CFDP1: variants seen among roughly 807,000 people sequenced by gnomAD.
CFDP1 encodes the protein heterochromatin-stabilizing protein CFDP1.
CFDP1 carries 31 observed loss-of-function variants against 40.1 expected under a neutral mutation model. The observed-to-expected ratio is 0.77, with a 90% CI of 0.58 to 1.04. CFDP1 has a LOEUF of 1.04. Among genes scored for constraint, CFDP1 ranks in the 50% least tolerant of loss-of-function variants. The pLI is 0.00. For synonymous variants in CFDP1, 167 were observed against 120.0 expected, an observed-to-expected ratio of 1.39 and a Z score of -2.56; for missense variants, 423 against 343.4, an observed-to-expected ratio of 1.23 and a Z score of -1.83.
At position 75,349,666 on chromosome 16, in the gene CFDP1, A is replaced by AT. The variant is rs1567653444; in HGVS notation, c.651-44485_651-44484insA. On this transcript the variant is annotated intron_variant, in intron 5 of 6. Transcript: ENST00000283882. ...ACTCCGTCTCAAAAAAAAAAAAAAA[A>AT]AAAAAAAAAAAAAAAAAAAAAAAAA... 2.2e-3 allele frequency among the ~76,000 whole-genome samples: 30 copies of AT among 13,674 alleles called. 1 individual carries two copies. Among genetic ancestry groups the AT allele is most frequent in the South Asian group, 1.8e-3 (1 of 562 alleles). 9.0% of individuals were successfully genotyped at this position (13,674 alleles called of 152,430 possible).
intron 5 of CFDP1, among the ~76,000 whole-genome samples, chr16:75,371,226 C>T (rs2151539873): frequency 6.6e-6 from 1 of 152,350 alleles, no homozygotes; most frequent in Non-Finnish European, 1.5e-5. Flanking sequence ...CCAGTAGCAT[C>T]CCCTGCCTTG....
intron 6 of CFDP1, among the ~76,000 whole-genome samples, chr16:75,297,196 T>G (rs867937410): frequency 5.4e-3 from 370 of 68,310 alleles, no homozygotes; most frequent in African/African-American, 0.01. Flanking sequence ...GTGTGTGTGT[T>G]TTTAGTAGAG....
At chr16:75,415,492 C>A (rs2079195372) in intron 1 of CFDP1, among the ~76,000 whole-genome samples, 1 of 152,200 alleles carries the variant, frequency 6.6e-6, no homozygotes, top group Admixed American at 6.5e-5. Context: ...AGCAGCATCC[C>A]AGAAGGCCCC....
chr16:75,411,316 A>C (rs996819286), intron 4 of CFDP1, among the ~76,000 whole-genome samples: 1 of 152,094 alleles, frequency 6.6e-6, no homozygotes, highest in Non-Finnish European at 1.5e-5. Flanking sequence ...GAAGTAGGAG[A>C]ATTGCTTGAA....
Position 75,344,403 on chromosome 16 carries a change from T to G in CFDP1, c.651-39221A>C, listed in dbSNP as rs73617868. Among the ~76,000 whole-genome samples, 655 of 152,320 alleles carry G rather than the reference T, an allele frequency of 4.3e-3. 1 individual carries two copies. The highest frequency in any genetic ancestry group is 0.015 in the African/African-American group (631 of 41,572). On this transcript the variant is annotated intron_variant, in intron 5 of 6. Coordinates refer to ENST00000283882, the MANE Select transcript of CFDP1 (RefSeq NM_006324.3). The stretch of plus-strand genomic sequence containing the variant: ...AAATCAGGTGTCAAATCACTTTAAT[T>G]GCTTTAGAAAACAAAATCATGGGAC...
chr16:75,404,027 G>T (rs1001928690), intron 4 of CFDP1, among the ~76,000 whole-genome samples: 1 of 151,686 alleles, frequency 6.6e-6, no homozygotes, highest in African/African-American at 2.4e-5. Flanking sequence ...AGCTACTCGG[G>T]AGGCTAAGGC....
intron 5 of CFDP1, among the ~76,000 whole-genome samples, chr16:75,321,209 C>G (rs2078360970): frequency 6.6e-6 from 1 of 152,204 alleles, no homozygotes; most frequent in African/African-American, 2.4e-5. Flanking sequence ...AAGGGATCCT[C>G]CTACCTCGGC....
At chr16:75,427,250 T>C (rs1455936705) in intron 1 of CFDP1, among the ~76,000 whole-genome samples, 1 of 151,778 alleles carries the variant, frequency 6.6e-6, no homozygotes, top group East Asian at 1.9e-4. Flanking sequence ...AATTAGCTAA[T>C]TTTTTTTCTT....
In CFDP1 at chr16:75,323,631, T is replaced by C. The variant is rs144251545; in HGVS notation, c.651-18449A>G. 9.6e-4 allele frequency among the ~76,000 whole-genome samples: 146 copies of C among 152,042 alleles called. 1 individual carries two copies. The highest frequency in any genetic ancestry group is 3.5e-3 in the African/African-American group (144 of 41,474). The stretch of plus-strand genomic sequence containing the variant: ...CCCGATCTCTACTGAAAATACAAAT[T>C]TGCCGGGCCTGGTGGAGCGTGCCTG... On this transcript the variant is annotated intron_variant, in intron 5 of 6. Transcript: ENST00000283882.
At chr16:75,386,459 T>A (rs2078898508) in intron 5 of CFDP1, among the ~76,000 whole-genome samples, 1 of 152,238 alleles carries the variant, frequency 6.6e-6, no homozygotes, top group South Asian at 2.1e-4. Context: ...GCACAGTGGC[T>A]CACGCCTGTA....
intron 5 of CFDP1, among the ~76,000 whole-genome samples, chr16:75,333,888 C>A (rs2078466031): frequency 6.6e-6 from 1 of 152,304 alleles, no homozygotes; most frequent in Middle Eastern, 3.4e-3. Flanking sequence ...GCTCTCTCCA[C>A]AAGCGATTCA....
At chr16:75,323,638 G>A (rs1567645465) in intron 5 of CFDP1, among the ~76,000 whole-genome samples, 1 of 152,016 alleles carries the variant, frequency 6.6e-6, no homozygotes, top group Admixed American at 6.6e-5. Context: ...AATTTGCCGG[G>A]CCTGGTGGAG....
chr16:75,411,814 G>C lies in CFDP1; in HGVS notation c.530+11C>G, dbSNP rs998777876. The C allele has an allele frequency of 1.2e-6, 2 of 1,603,384 alleles. No individual in the cohort carries two copies. Among genetic ancestry groups the C allele is most frequent in the Non-Finnish European group, 1.7e-6 (2 of 1,177,520 alleles). ...AAATGCTAGTTTCAAAGTTTTTGAAGGTTCTCTTACCTTACTTCTTCACCA... is the reference window on the plus strand; with the variant it reads ...AAATGCTAGTTTCAAAGTTTTTGAACGTTCTCTTACCTTACTTCTTCACCA... On this transcript the variant is annotated intron_variant, in intron 4 of 6. Coordinates refer to ENST00000283882, the MANE Select transcript of CFDP1 (RefSeq NM_006324.3).
intron 4 of CFDP1, among the ~76,000 whole-genome samples, chr16:75,401,376 CA>C (rs2079051473): frequency 1.5e-5 from 2 of 135,824 alleles, no homozygotes; most frequent in South Asian, 4.6e-4. Context: ...TGCAGTGAGC[CA>C]AGATTGCACC....
chr16:75,306,972 C>G (rs1216769630), intron 5 of CFDP1, among the ~76,000 whole-genome samples: 1 of 152,064 alleles, frequency 6.6e-6, no homozygotes, highest in African/African-American at 2.4e-5. Context: ...TGGAAACTTA[C>G]TGTGTCTCAA....
At chr16:75,420,236 G>C (rs534335315) in intron 1 of CFDP1, among the ~76,000 whole-genome samples, 102 of 152,158 alleles carry the variant, frequency 6.7e-4, no homozygotes, top group Non-Finnish European at 1.2e-3. Flanking sequence ...TACAAGAGAG[G>C]GATCAGACTG....
At chr16:75,399,589 G>C (rs541593583) in intron 4 of CFDP1, among the ~76,000 whole-genome samples, 16 of 152,054 alleles carry the variant, frequency 1.1e-4, no homozygotes, top group Admixed American at 1.0e-3. Flanking sequence ...ATGTTGCCTG[G>C]GCTGGATTCA....
At chr16:75,391,324 C>T (rs955607572) in intron 5 of CFDP1, 3 of 152,200 alleles carry the variant, frequency 2.0e-5, no homozygotes, top group African/African-American at 7.2e-5. Context: ...CCAGAGGTAA[C>T]TTCATAGCAA....
chr16:75,356,332 C>G (rs1056691159), intron 5 of CFDP1, among the ~76,000 whole-genome samples: 10 of 152,160 alleles, frequency 6.6e-5, no homozygotes, highest in African/African-American at 2.4e-4. Flanking sequence ...CAGTAAACAA[C>G]ACAACATTAA....
Sources: allele counts gnomAD v4.1 joint callset (sites outside exome capture counted in the v4.1 genomes callset), GRCh38; gene constraint gnomAD v4.1.1; transcripts MANE v1.5; gene names NCBI Gene and HGNC (gene_info 2026-07-23, HGNC 2026-07-21).